The following UST variants were observed in gnomAD, a reference collection of about 807,000 sequenced individuals.
UST encodes uronyl 2-sulfotransferase.
UST carries 21 observed loss-of-function variants against 45.6 expected under a neutral mutation model. That is an observed-to-expected ratio of 0.46 (90% confidence interval 0.33 to 0.66). The LOEUF is 0.66. Ranked by LOEUF, UST falls within the 30% of genes least tolerant of loss-of-function variation. The pLI is 0.02. For missense variants in UST, 463 were observed against 512.4 expected (o/e 0.90, Z 0.93); for synonymous variants, 215 against 200.6 (o/e 1.07, Z -0.61).
At chr6:148,800,680 T>G (rs1777040790) in intron 1 of UST, among the ~76,000 whole-genome samples, 1 of 152,136 alleles carries the variant, frequency 6.6e-6, no homozygotes, top group Non-Finnish European at 1.5e-5. Flanking sequence ...GGGTTTTTCT[T>G]GCATAGTTAC....
At chr6:148,853,217 T>C (rs986669292) in intron 1 of UST, among the ~76,000 whole-genome samples, 4 of 152,222 alleles carry the variant, frequency 2.6e-5, no homozygotes, top group Non-Finnish European at 5.9e-5. Flanking sequence ...TGGTTTTCTG[T>C]GCCTGTGTTA....
chr6:148,781,043 A>G (rs1211093891), intron 1 of UST, among the ~76,000 whole-genome samples: 1 of 152,208 alleles, frequency 6.6e-6, no homozygotes, highest in African/African-American at 2.4e-5. Context: ...GTCAGTTAAT[A>G]ACCCCACAAT....
chr6:149,068,396 A>G (rs1776772153), intron 7 of UST, among the ~76,000 whole-genome samples: 1 of 152,140 alleles, frequency 6.6e-6, no homozygotes, highest in South Asian at 2.1e-4. Context: ...TCAAGGGGTT[A>G]TTGTGAGGAT....
intron 7 of UST, among the ~76,000 whole-genome samples, chr6:149,048,043 T>A (rs538522991): frequency 2.6e-5 from 4 of 152,206 alleles, no homozygotes; most frequent in Admixed American, 6.5e-5. Context: ...AATAAAGGTG[T>A]AAATTAGTTA....
At chr6:148,836,192 G>A (rs1777783701) in intron 1 of UST, among the ~76,000 whole-genome samples, 1 of 152,214 alleles carries the variant, frequency 6.6e-6, no homozygotes, top group Non-Finnish European at 1.5e-5. Context: ...CTGCAGCTAC[G>A]TGTGCTCAAA....
chr6:148,896,610 C>A (rs1242784551), intron 2 of UST, among the ~76,000 whole-genome samples: 4 of 152,100 alleles, frequency 2.6e-5, no homozygotes, highest in Admixed American at 2.0e-4. Flanking sequence ...AATGATGAAA[C>A]CTCTTTATTT....
At chr6:148,784,303 T>C (rs2114693387) in intron 1 of UST, among the ~76,000 whole-genome samples, 1 of 152,346 alleles carries the variant, frequency 6.6e-6, no homozygotes, top group Middle Eastern at 3.4e-3. Flanking sequence ...TATCAAGTTA[T>C]GAAGAGTTTA....
intron 5 of UST, among the ~76,000 whole-genome samples, chr6:148,996,118 G>A (rs1281726691): frequency 6.6e-6 from 1 of 152,230 alleles, no homozygotes; most frequent in Non-Finnish European, 1.5e-5. Context: ...GATCGCCATA[G>A]AGAATTGATT....
At chr6:148,919,547 G>A (rs753159466) in intron 2 of UST, among the ~76,000 whole-genome samples, 2 of 152,090 alleles carry the variant, frequency 1.3e-5, no homozygotes, top group Non-Finnish European at 2.9e-5. Flanking sequence ...TGTCTTTAAG[G>A]TTTTTCTACA....
intron 7 of UST, among the ~76,000 whole-genome samples, chr6:149,041,329 C>A (rs140532831): frequency 5.8e-4 from 88 of 152,354 alleles, no homozygotes; most frequent in African/African-American, 2.0e-3. Context: ...TCTTGGACCT[C>A]CAGCCCAGCG....
At chr6:148,838,582 G>A (rs1777834842) in intron 1 of UST, among the ~76,000 whole-genome samples, 1 of 152,066 alleles carries the variant, frequency 6.6e-6, no homozygotes, top group African/African-American at 2.4e-5. Context: ...CAGTGTCAAG[G>A]CTCTCCTTCT....
chr6:148,747,446 C>T lies in UST; in HGVS notation c.16C>T (p.Gln6Ter). MKKKQ[Q>*]HPGGGADPWP... ...GGAGCAGGCGATGAAGAAGAAGCAG[C>T]AGCATCCCGGCGGCGGCGCGGATCC... The change falls in exon 1 of 8, where the codon CAG becomes TAG. Residue 6 changes from glutamine to a stop codon, truncating the protein, a stop_gained. Transcript: ENST00000367463. LOFTEE classifies it high-confidence loss of function. The T allele has an allele frequency of 2.8e-6, 4 of 1,423,124 alleles. No individual in the cohort carries two copies. Among genetic ancestry groups the T allele is most frequent in the Non-Finnish European group, 3.7e-6 (4 of 1,086,312 alleles). 88.2% of individuals were successfully genotyped at this position (1,423,124 alleles called of 1,614,324 possible). A position where few individuals can be genotyped will look rare whatever the true frequency, so the allele number is the denominator to read the frequency against.
chr6:149,021,947 G>C (rs890011711), intron 7 of UST, among the ~76,000 whole-genome samples: 13 of 152,164 alleles, frequency 8.5e-5, no homozygotes, highest in Admixed American at 6.5e-4. Context: ...TTTGATAAAA[G>C]CACTCTAGTG....
At chr6:148,820,018 G>A (rs1777426668) in intron 1 of UST, among the ~76,000 whole-genome samples, 1 of 152,210 alleles carries the variant, frequency 6.6e-6, no homozygotes, top group South Asian at 2.1e-4. Flanking sequence ...TGCCAGCTTA[G>A]TTTCAGGTTG....
intron 7 of UST, among the ~76,000 whole-genome samples, chr6:149,029,446 ATTATATATACATT>A (rs1191755937): frequency 7.6e-5 from 11 of 145,126 alleles, no homozygotes; most frequent in South Asian, 2.1e-4. Context: ...ATTATATTAT[ATTATATATACATT>A]ATATATTATA....
chr6:149,004,737 A>G (rs149495900), intron 5 of UST, among the ~76,000 whole-genome samples: 1 of 152,248 alleles, frequency 6.6e-6, no homozygotes, highest in Non-Finnish European at 1.5e-5. Context: ...TCAGTTAAGA[A>G]ATGGAGAACC....
chr6:148,908,789 T>C (rs983888734), intron 2 of UST, among the ~76,000 whole-genome samples: 2 of 152,070 alleles, frequency 1.3e-5, no homozygotes, highest in African/African-American at 4.8e-5. Context: ...TTACAAATGA[T>C]CTTGTAATCA....
Position 149,074,237 on chromosome 6 carries a change from C to G in UST, c.*121C>G, listed in dbSNP as rs1358232377. ...TGCATTAAAAAGAACAAAACATTCC[C>G]ACATGTTGGGGTCATTGGGAGATGC... On this transcript the variant is annotated 3_prime_UTR_variant, in exon 8 of 8. Coordinates refer to ENST00000367463, the MANE Select transcript of UST (RefSeq NM_005715.3). 2 of 1,141,628 alleles carry G rather than the reference C, an allele frequency of 1.8e-6. No homozygotes were observed. Among genetic ancestry groups the G allele is most frequent in the East Asian group, 4.9e-5 (2 of 40,998 alleles). 70.7% of individuals were successfully genotyped at this position (1,141,628 alleles called of 1,614,324 possible).
chr6:149,030,366 G>A (rs1176758582), intron 7 of UST, among the ~76,000 whole-genome samples: 1 of 151,918 alleles, frequency 6.6e-6, no homozygotes, highest in Non-Finnish European at 1.5e-5. Context: ...TCTAGGCTGG[G>A]CACTGTGGCT....
Sources: gnomAD v4.1 joint callset for allele counts (sites outside exome capture counted in the v4.1 genomes callset) on GRCh38, gnomAD v4.1.1 for gene constraint, MANE v1.5 for transcripts, NCBI Gene and HGNC (gene_info 2026-07-23, HGNC 2026-07-21) for gene names.